RSPO2: variants seen among roughly 807,000 people sequenced by gnomAD.
RSPO2 encodes the protein R-spondin 2, also known as R-spondin-2.
In RSPO2, 14 loss-of-function variants were observed where a neutral mutation model predicts 30.9. The observed-to-expected ratio is 0.45, with a 90% CI of 0.30 to 0.71. The LOEUF is 0.71. RSPO2 is among the 30% of genes least tolerant of loss of function. RSPO2 has a pLI of 0.08. For synonymous variants in RSPO2, 107 were observed against 96.4 expected, an observed-to-expected ratio of 1.11 and a Z score of -0.64; for missense variants, 264 against 301.9, an observed-to-expected ratio of 0.87 and a Z score of 0.93.
chr8:108,026,475 T>G lies in RSPO2; in HGVS notation c.95-37231A>C, dbSNP rs115568784. ...ATTATAAATGAGGTCCTTTTTGTTTTTAGGAAATGTGCACTGATATTGAGA... is the reference window on the plus strand; with the variant it reads ...ATTATAAATGAGGTCCTTTTTGTTTGTAGGAAATGTGCACTGATATTGAGA... On this transcript the variant is annotated intron_variant, in intron 2 of 5. Transcript: ENST00000276659. 3.2e-3 allele frequency among the ~76,000 whole-genome samples: 495 copies of G among 152,318 alleles called. 1 individual carries two copies. Among genetic ancestry groups the G allele is most frequent in the Middle Eastern group, 0.014 (4 of 294 alleles).
At chr8:108,014,732 A>T (rs1236146428) in intron 2 of RSPO2, among the ~76,000 whole-genome samples, 2 of 152,010 alleles carry the variant, frequency 1.3e-5, no homozygotes, top group East Asian at 1.9e-4. Context: ...CATTAGGAGA[A>T]ATACCTAATG....
chr8:107,983,585 G>T (rs1814523350), intron 3 of RSPO2: 2 of 1,598,654 alleles, frequency 1.3e-6, no homozygotes, highest in Non-Finnish European at 1.7e-6. Context: ...CCATGTATTG[G>T]AAGTAAAGCC....
At chr8:107,911,151 C>A (rs1310067179) in intron 5 of RSPO2, among the ~76,000 whole-genome samples, 1 of 152,186 alleles carries the variant, frequency 6.6e-6, no homozygotes, top group African/African-American at 2.4e-5. Context: ...TGTACATGGT[C>A]TATGTAGGCT....
At chr8:107,912,300 G>A (rs761494770) in intron 5 of RSPO2, among the ~76,000 whole-genome samples, 1 of 152,138 alleles carries the variant, frequency 6.6e-6, no homozygotes, top group Non-Finnish European at 1.5e-5. Flanking sequence ...AGATGACTTA[G>A]TGCGAAGTTA....
At chr8:107,936,433 A>G (rs1812725157) in intron 5 of RSPO2, among the ~76,000 whole-genome samples, 1 of 152,168 alleles carries the variant, frequency 6.6e-6, no homozygotes, top group Admixed American at 6.5e-5. Flanking sequence ...TTTCTGAAGA[A>G]AATCACACAG....
intron 2 of RSPO2, among the ~76,000 whole-genome samples, chr8:108,041,896 G>A (rs1811771267): frequency 1.3e-5 from 2 of 152,040 alleles, no homozygotes; most frequent in Non-Finnish European, 2.9e-5. Context: ...TAATAAAGAT[G>A]GCAGCCTGGA....
intron 2 of RSPO2, among the ~76,000 whole-genome samples, chr8:108,058,407 A>C (rs913758129): frequency 6.6e-6 from 1 of 152,242 alleles, no homozygotes; most frequent in Admixed American, 6.5e-5. Context: ...CAATATCATG[A>C]AAATGGCCAT....
intron 2 of RSPO2, among the ~76,000 whole-genome samples, chr8:108,057,521 C>T (rs1812295263): frequency 6.6e-6 from 1 of 152,162 alleles, no homozygotes; most frequent in African/African-American, 2.4e-5. Flanking sequence ...TTACTACCTG[C>T]TTCCAAGACA....
At chr8:108,024,207 T>C (rs546795873) in intron 2 of RSPO2, among the ~76,000 whole-genome samples, 6 of 152,286 alleles carry the variant, frequency 3.9e-5, no homozygotes, top group African/African-American at 1.4e-4. Context: ...GTTGAGTTGC[T>C]TCAATGAAAT....
chr8:107,973,983 T>C (rs634150), intron 3 of RSPO2, among the ~76,000 whole-genome samples: 54,500 of 152,072 alleles, frequency 0.36, 11,610 homozygotes, highest in East Asian at 0.66. Flanking sequence ...ACAACTCATA[T>C]GAAGATTTTT....
At chr8:107,969,006 C>T (rs1218818455) in intron 3 of RSPO2, among the ~76,000 whole-genome samples, 1 of 152,084 alleles carries the variant, frequency 6.6e-6, no homozygotes, top group Non-Finnish European at 1.5e-5. Context: ...TGGGTACCTA[C>T]ATGGAAAATC....
intron 5 of RSPO2, among the ~76,000 whole-genome samples, chr8:107,944,537 A>C (rs1268289592): frequency 6.6e-6 from 1 of 152,180 alleles, no homozygotes. Flanking sequence ...ATAATAGCTT[A>C]ATCACCACAG....
At chr8:107,915,510 G>A (rs1337461242) in intron 5 of RSPO2, among the ~76,000 whole-genome samples, 2 of 152,094 alleles carry the variant, frequency 1.3e-5, no homozygotes. Flanking sequence ...TTTCTCAGAT[G>A]GAGAATAGAA....
At chr8:108,061,978 T>C (rs1282880698) in intron 2 of RSPO2, among the ~76,000 whole-genome samples, 1 of 151,858 alleles carries the variant, frequency 6.6e-6, no homozygotes, top group Admixed American at 6.6e-5. Context: ...AGATGTTCTT[T>C]GAAACCAATG....
chr8:107,922,864 T>C (rs1173702809), intron 5 of RSPO2, among the ~76,000 whole-genome samples: 1 of 151,332 alleles, frequency 6.6e-6, no homozygotes. Flanking sequence ...ATAAGTAGGA[T>C]AATTGGCTAA....
At chr8:108,059,724 T>A (rs201088027) in intron 2 of RSPO2, among the ~76,000 whole-genome samples, 1 of 140,926 alleles carries the variant, frequency 7.1e-6, no homozygotes, top group Non-Finnish European at 1.5e-5. Flanking sequence ...AAACTGGAAA[T>A]CATCATTCTC....
intron 2 of RSPO2, among the ~76,000 whole-genome samples, chr8:107,994,174 G>A (rs78604329): frequency 0.096 from 14,622 of 152,040 alleles, 918 homozygotes; most frequent in East Asian, 0.22. Flanking sequence ...TTACACAAAT[G>A]TATACATTTG....
At chr8:108,040,874 A>C (rs146896787) in intron 2 of RSPO2, among the ~76,000 whole-genome samples, 1,822 of 152,252 alleles carry the variant, frequency 0.012, 14 homozygotes, top group Middle Eastern at 0.037. Context: ...CTAAAACAGA[A>C]TATTTGAAGA....
chr8:108,060,254 C>T (rs1445501310), intron 2 of RSPO2, among the ~76,000 whole-genome samples: 4 of 151,598 alleles, frequency 2.6e-5, no homozygotes, highest in South Asian at 2.1e-4. Flanking sequence ...GGAGGAAGTT[C>T]GAACCCATCA....
Sources: gnomAD v4.1 joint callset for allele counts (sites outside exome capture counted in the v4.1 genomes callset) on GRCh38, gnomAD v4.1.1 for gene constraint, MANE v1.5 for transcripts, NCBI Gene and HGNC (gene_info 2026-07-23, HGNC 2026-07-21) for gene names.